DYM: variants seen among roughly 807,000 people sequenced by gnomAD.
DYM encodes dymeclin, also known as dyggve-Melchior-Clausen syndrome protein.
DYM carries 78 observed loss-of-function variants against 93.1 expected under a neutral mutation model. The ratio of observed to expected loss-of-function variants is 0.84; its 90% CI spans 0.70 to 1.01. The LOEUF is 1.01. Ranked by LOEUF, DYM falls within the 50% of genes least tolerant of loss-of-function variation. The pLI, the probability that DYM is intolerant of heterozygous loss-of-function variation, is 0.00. For missense variants in DYM, 789 were observed against 845.0 expected (o/e 0.93, Z 0.82); for synonymous variants, 321 against 319.7 (o/e 1.00, Z -0.04).
At chr18:49,081,691 T>G (rs1487192349) in intron 17 of DYM, among the ~76,000 whole-genome samples, 1 of 152,330 alleles carries the variant, frequency 6.6e-6, no homozygotes, top group East Asian at 1.9e-4. Context: ...GTCAAAGATG[T>G]GGACTGGCAG....
chr18:49,164,642 G>A (rs950271862), intron 14 of DYM, among the ~76,000 whole-genome samples: 4 of 152,312 alleles, frequency 2.6e-5, no homozygotes, highest in South Asian at 2.1e-4. Context: ...TTGAATGTTT[G>A]TATAAATGTT....
At chr18:49,331,024 T>C (rs557356204) in intron 8 of DYM, among the ~76,000 whole-genome samples, 9 of 152,242 alleles carry the variant, frequency 5.9e-5, no homozygotes, top group African/African-American at 2.2e-4. Flanking sequence ...GTTATCACAG[T>C]GCTACCTTTT....
chr18:49,380,645 T>G (rs1321895063), intron 3 of DYM, among the ~76,000 whole-genome samples: 1 of 152,202 alleles, frequency 6.6e-6, no homozygotes, highest in Admixed American at 6.5e-5. Flanking sequence ...GAAATTGGAC[T>G]TAAGGAAACT....
intron 15 of DYM, among the ~76,000 whole-genome samples, chr18:49,158,409 A>G (rs771809707): frequency 2.0e-4 from 30 of 152,222 alleles, no homozygotes; most frequent in Admixed American, 3.9e-4. Flanking sequence ...ATGCATGAAA[A>G]GTTGACCCCC....
intron 14 of DYM, among the ~76,000 whole-genome samples, chr18:49,199,414 A>G (rs2091817685): frequency 6.6e-6 from 1 of 152,196 alleles, no homozygotes; most frequent in South Asian, 2.1e-4. Context: ...TTTCTTACCA[A>G]CTTTTCTGAT....
chr18:49,318,959 C>A (rs1460098381), intron 8 of DYM, among the ~76,000 whole-genome samples: 2 of 151,630 alleles, frequency 1.3e-5, no homozygotes, highest in African/African-American at 2.4e-5. Flanking sequence ...TGCCACCACG[C>A]CCAACTAATT....
intron 2 of DYM, among the ~76,000 whole-genome samples, chr18:49,415,321 CAAAAAAA>C (rs71165393): frequency 1.7e-4 from 15 of 87,068 alleles, no homozygotes; most frequent in Non-Finnish European, 2.3e-4. Flanking sequence ...CTGGGTCTCT[CAAAAAAA>C]AAAAAAAAAA....
At chr18:49,258,347 CA>C in intron 12 of DYM, 32 bp downstream of exon 12, 1 of 1,442,428 alleles carries the variant, frequency 6.9e-7, no homozygotes, top group Non-Finnish European at 9.8e-7. Flanking sequence ...GTACTGTATG[CA>C]AAAAAGATAG....
intron 13 of DYM, among the ~76,000 whole-genome samples, chr18:49,250,212 T>TAG (rs202099479): frequency 2.0e-5 from 3 of 152,230 alleles, no homozygotes; most frequent in African/African-American, 7.2e-5. Flanking sequence ...ATTGTGTGCC[T>TAG]AGAGAGAGCA....
intron 15 of DYM, among the ~76,000 whole-genome samples, chr18:49,149,852 G>A (rs1176218578): frequency 6.6e-5 from 10 of 151,838 alleles, no homozygotes; most frequent in East Asian, 3.9e-4. Flanking sequence ...GACTACAGGC[G>A]CGCACCACCA....
chr18:49,457,868 G>T (rs1212589977), intron 1 of DYM, among the ~76,000 whole-genome samples: 3 of 152,210 alleles, frequency 2.0e-5, no homozygotes, highest in Non-Finnish European at 4.4e-5. Flanking sequence ...CTTGAGGATG[G>T]AAGTATGATC....
chr18:49,121,357 GA>G (rs1169045714), intron 15 of DYM, among the ~76,000 whole-genome samples: 3 of 151,586 alleles, frequency 2.0e-5, no homozygotes, highest in Admixed American at 6.6e-5. Context: ...CCTACAAAGA[GA>G]AAAAAAGAGT....
chr18:49,280,736 T>C (rs573602077), intron 10 of DYM, among the ~76,000 whole-genome samples: 1 of 152,206 alleles, frequency 6.6e-6, no homozygotes, highest in South Asian at 2.1e-4. Context: ...TTCTTGACCA[T>C]CACCTTTGTG....
chr18:49,259,595 C>G (rs931617783), intron 11 of DYM, among the ~76,000 whole-genome samples: 5 of 152,076 alleles, frequency 3.3e-5, no homozygotes, highest in African/African-American at 1.2e-4. Flanking sequence ...TTAAAGATAA[C>G]TGGAAATAAT....
At chr18:49,275,638 A>G (rs1254036811) in intron 10 of DYM, among the ~76,000 whole-genome samples, 1 of 152,094 alleles carries the variant, frequency 6.6e-6, no homozygotes, top group Non-Finnish European at 1.5e-5. Flanking sequence ...GCACTTTAGG[A>G]GGCCAATGTG....
chr18:49,453,766 G>A (rs576397714), intron 1 of DYM, among the ~76,000 whole-genome samples: 5 of 152,224 alleles, frequency 3.3e-5, no homozygotes, highest in South Asian at 2.1e-4. Flanking sequence ...TACTAACACC[G>A]AGTTTGCTAG....
chr18:49,224,557 G>A (rs1360517991), intron 13 of DYM, among the ~76,000 whole-genome samples: 1 of 152,058 alleles, frequency 6.6e-6, no homozygotes, highest in African/African-American at 2.4e-5. Flanking sequence ...TTAGGATTAG[G>A]TGAGGTCATG....
chr18:49,453,631 A>G (rs1297390053), intron 1 of DYM, among the ~76,000 whole-genome samples: 1 of 152,206 alleles, frequency 6.6e-6, no homozygotes, highest in Non-Finnish European at 1.5e-5. Flanking sequence ...GAACCCACCA[A>G]TTCTGGACAC....
chr18:49,263,363 C>T (rs982897151), intron 11 of DYM, among the ~76,000 whole-genome samples: 4 of 151,504 alleles, frequency 2.6e-5, no homozygotes, highest in Non-Finnish European at 5.9e-5. Context: ...ACGTGATCTG[C>T]CCACCTCAGC....
Sources: allele counts gnomAD v4.1 joint callset (sites outside exome capture counted in the v4.1 genomes callset), GRCh38; gene constraint gnomAD v4.1.1; transcripts MANE v1.5; gene names NCBI Gene and HGNC (gene_info 2026-07-23, HGNC 2026-07-21).